Variants in KCTD16 observed in about 807,000 individuals in gnomAD.
KCTD16 encodes the protein BTB/POZ domain-containing protein KCTD16.
A neutral mutation model predicts 33.2 loss-of-function variants in KCTD16; 13 were observed. The observed-to-expected ratio is 0.39, with a 90% confidence interval of 0.25 to 0.62. The LOEUF (loss-of-function observed/expected upper bound fraction) is 0.62, where lower values mean the gene tolerates loss of function less well. KCTD16 is among the 20% of genes least tolerant of loss of function. The pLI, the probability that KCTD16 is intolerant of heterozygous loss-of-function variation, is 0.50. For missense variants in KCTD16, 441 were observed against 525.1 expected (o/e 0.84, Z 1.57); for synonymous variants, 197 against 195.3 (o/e 1.01, Z -0.07).
chr5:144,194,897 T>A (rs1211301509), intron 2 of KCTD16, among the ~76,000 whole-genome samples: 1 of 152,226 alleles, frequency 6.6e-6, no homozygotes, highest in Non-Finnish European at 1.5e-5. Context: ...ATACTATGAA[T>A]TTGTGAATAC....
At position 144,244,347 on chromosome 5, in the gene KCTD16, A is replaced by G. The variant is rs566537008; in HGVS notation, c.832+36801A>G. On this transcript the variant is annotated intron_variant, in intron 3 of 3. Coordinates refer to ENST00000512467, the MANE Select transcript of KCTD16 (RefSeq NM_020768.4). ...TTTAGTTGTGATTCTAAAGGTATAC[A>G]TAGGAAGCATTAAGAGCAAATTTGA... is the stretch of plus-strand genomic sequence containing the variant. Among the ~76,000 whole-genome samples, 31 of 152,332 alleles carry G rather than the reference A, an allele frequency of 2.0e-4. No individual in the cohort carries two copies. In the East Asian group the frequency reaches 5.0e-3, roughly 25 times the overall value.
In KCTD16 at chr5:144,306,717, G is replaced by C. The variant is rs1561561305; in HGVS notation, c.832+99171G>C. The stretch of plus-strand genomic sequence containing the variant: ...CACCTGGTGGTGTAGAGAGGACTGT[G>C]AGTGTTAGCAAATCTTACCTGCTAA... On this transcript the variant is annotated intron_variant, in intron 3 of 3. Transcript: ENST00000512467. Among the ~76,000 whole-genome samples, 3 of 152,284 alleles carry C rather than the reference G, an allele frequency of 2.0e-5. No individual in the cohort carries two copies. In the South Asian group the frequency reaches 6.2e-4, roughly 32 times the overall value.
chr5:144,410,033 TC>T (rs144274332), intron 3 of KCTD16, among the ~76,000 whole-genome samples: 2,000 of 152,168 alleles, frequency 0.013, 37 homozygotes, highest in African/African-American at 0.045. Flanking sequence ...GGAAGGATGC[TC>T]CAGGAAGAGG....
At chr5:144,364,685 A>G (rs1158419997) in intron 3 of KCTD16, among the ~76,000 whole-genome samples, 1 of 152,244 alleles carries the variant, frequency 6.6e-6, no homozygotes, top group Non-Finnish European at 1.5e-5. Context: ...AGTAATTGCT[A>G]TTCTTTGAGT....
chr5:144,334,940 C>A (rs772481611), intron 3 of KCTD16, among the ~76,000 whole-genome samples: 2 of 151,964 alleles, frequency 1.3e-5, no homozygotes, highest in Non-Finnish European at 2.9e-5. Context: ...CCACACCTGG[C>A]TAATTTTTTT....
intron 3 of KCTD16, among the ~76,000 whole-genome samples, chr5:144,274,553 G>A (rs988259330): frequency 6.6e-6 from 1 of 152,038 alleles, no homozygotes; most frequent in East Asian, 1.9e-4. Flanking sequence ...GTTTATTCAG[G>A]GTCATGACTA....
At chr5:144,441,443 TA>T (rs1397494473) in intron 3 of KCTD16, among the ~76,000 whole-genome samples, 1 of 152,160 alleles carries the variant, frequency 6.6e-6, no homozygotes, top group African/African-American at 2.4e-5. Flanking sequence ...ATTTTATTAT[TA>T]TACTTTAAGT....
chr5:144,398,813 T>A (rs1455992798), intron 3 of KCTD16, among the ~76,000 whole-genome samples: 2 of 152,160 alleles, frequency 1.3e-5, no homozygotes, highest in Non-Finnish European at 2.9e-5. Flanking sequence ...TTTCTGAATA[T>A]TTTTATTTCT....
chr5:144,391,624 T>C (rs544295920), intron 3 of KCTD16, among the ~76,000 whole-genome samples: 25 of 152,332 alleles, frequency 1.6e-4, no homozygotes, highest in African/African-American at 6.0e-4. Context: ...TGGGCAAGTC[T>C]CTTCATTTCT....
chr5:144,348,975 G>T (rs922764002), intron 3 of KCTD16, among the ~76,000 whole-genome samples: 1 of 152,088 alleles, frequency 6.6e-6, no homozygotes, highest in Non-Finnish European at 1.5e-5. Context: ...GGCAAAAACG[G>T]GCCTGTGTAG....
At chr5:144,290,149 T>C (rs577084694) in intron 3 of KCTD16, among the ~76,000 whole-genome samples, 3 of 151,810 alleles carry the variant, frequency 2.0e-5, no homozygotes, top group African/African-American at 7.3e-5. Flanking sequence ...ACAAAAATTA[T>C]CCAGGCAAGG....
intron 3 of KCTD16, among the ~76,000 whole-genome samples, chr5:144,337,925 CCTTTAGG>C (rs1561572298): frequency 8.6e-5 from 13 of 152,030 alleles, no homozygotes; most frequent in Non-Finnish European, 1.6e-4. Flanking sequence ...TAATATCCAC[CCTTTAGG>C]ATTGTTGTGA....
At chr5:144,202,763 A>G (rs919336409) in intron 2 of KCTD16, among the ~76,000 whole-genome samples, 1 of 152,276 alleles carries the variant, frequency 6.6e-6, no homozygotes, top group African/African-American at 2.4e-5. Flanking sequence ...GGATATTTAC[A>G]GTGTTTATGA....
intron 3 of KCTD16, among the ~76,000 whole-genome samples, chr5:144,339,386 C>T (rs116393386): frequency 0.01 from 1,590 of 152,178 alleles, 25 homozygotes; most frequent in African/African-American, 0.035. Flanking sequence ...CGATCACTGC[C>T]CTCTCTCCTT....
Position 144,391,938 on chromosome 5 carries a change from C to A in KCTD16, c.833-81722C>A, listed in dbSNP as rs114001621. Among the ~76,000 whole-genome samples, 775 of 152,114 alleles carry A rather than the reference C, an allele frequency of 5.1e-3. 7 individuals are homozygous for A. Among genetic ancestry groups the A allele is most frequent in the African/African-American group, 0.018 (748 of 41,498 alleles). On this transcript the variant is annotated intron_variant, in intron 3 of 3. Transcript: ENST00000512467. The stretch of plus-strand genomic sequence containing the variant: ...TGCCTACCCAATGACAAGTTGTGTG[C>A]TAAGTGCTATGTATAAATCTATAGA...
At chr5:144,346,307 G>T (rs1375161009) in intron 3 of KCTD16, among the ~76,000 whole-genome samples, 1 of 152,126 alleles carries the variant, frequency 6.6e-6, no homozygotes, top group Admixed American at 6.5e-5. Context: ...AAGCAGTGCT[G>T]TAACAAACAC....
At chr5:144,439,844 A>T (rs1300316293) in intron 3 of KCTD16, among the ~76,000 whole-genome samples, 1 of 152,056 alleles carries the variant, frequency 6.6e-6, no homozygotes. Flanking sequence ...TGTTGTATGT[A>T]TGGTGACTTG....
At chr5:144,272,409 A>C (rs371016960) in intron 3 of KCTD16, among the ~76,000 whole-genome samples, 1 of 152,110 alleles carries the variant, frequency 6.6e-6, no homozygotes, top group Admixed American at 6.6e-5. Flanking sequence ...CAGCCTGGGC[A>C]ACAAGAGTGA....
chr5:144,335,405 G>A (rs1440465424), intron 3 of KCTD16, among the ~76,000 whole-genome samples: 1 of 152,156 alleles, frequency 6.6e-6, no homozygotes, highest in East Asian at 1.9e-4. Context: ...GGAGACTGGA[G>A]AACTATACGT....
Sources: allele counts gnomAD v4.1 joint callset (sites outside exome capture counted in the v4.1 genomes callset), GRCh38; gene constraint gnomAD v4.1.1; transcripts MANE v1.5; gene names NCBI Gene and HGNC (gene_info 2026-07-23, HGNC 2026-07-21).